PDE4B: variants seen among roughly 807,000 people sequenced by gnomAD.
PDE4B encodes 3',5'-cyclic-AMP phosphodiesterase 4B.
Under a neutral mutation model 82.2 loss-of-function variants are expected in PDE4B, and 20 were observed. The observed-to-expected ratio is 0.24, with a 90% CI of 0.17 to 0.35. PDE4B has a LOEUF of 0.35. Among genes scored for constraint, PDE4B ranks in the 10% least tolerant of loss-of-function variants. PDE4B has a pLI of 1.00. For missense variants in PDE4B, 655 were observed against 907.2 expected, an observed-to-expected ratio of 0.72 and a Z score of 3.57; for synonymous variants, 320 against 318.9, an observed-to-expected ratio of 1.00 and a Z score of -0.04.
chr1:66,200,666 A>T (rs1311492053), intron 3 of PDE4B, among the ~76,000 whole-genome samples: 3 of 152,094 alleles, frequency 2.0e-5, no homozygotes, highest in Admixed American at 6.5e-5. Flanking sequence ...TTGGTGTATA[A>T]GAATGCTTGT....
At chr1:66,147,710 A>G (rs2101177511) in intron 3 of PDE4B, among the ~76,000 whole-genome samples, 1 of 152,306 alleles carries the variant, frequency 6.6e-6, no homozygotes, top group South Asian at 2.1e-4. Flanking sequence ...GGCGTTTCTT[A>G]GCCACTTTAT....
chr1:65,868,905 C>G (rs1166772419), intron 1 of PDE4B, among the ~76,000 whole-genome samples: 1 of 152,160 alleles, frequency 6.6e-6, no homozygotes, highest in Non-Finnish European at 1.5e-5. Context: ...GGAACAGTTT[C>G]ATCCTGAAAC....
chr1:66,365,846 A>C, intron 13 of PDE4B, 80 bp downstream of exon 13: 1 of 751,484 alleles, frequency 1.3e-6, no homozygotes. Flanking sequence ...TGTTTTCATT[A>C]TGGATAATCA....
intron 1 of PDE4B, among the ~76,000 whole-genome samples, chr1:65,877,815 A>G (rs1482681824): frequency 6.6e-6 from 1 of 152,044 alleles, no homozygotes; most frequent in Admixed American, 6.6e-5. Flanking sequence ...CATTCAGGAC[A>G]TAGGCAAGGG....
At chr1:66,347,521 G>T (rs569398386) in intron 8 of PDE4B, among the ~76,000 whole-genome samples, 5 of 152,268 alleles carry the variant, frequency 3.3e-5, no homozygotes, top group African/African-American at 9.6e-5. Context: ...GGAAGGAAAG[G>T]ATAGATCTAT....
intron 1 of PDE4B, among the ~76,000 whole-genome samples, chr1:65,804,385 C>G (rs10789202): frequency 0.07 from 10,665 of 152,104 alleles, 886 homozygotes; most frequent in African/African-American, 0.19. Context: ...AAGGAGAGCA[C>G]GTCATACTTT....
chr1:65,965,739 C>T (rs1171433030), intron 3 of PDE4B, among the ~76,000 whole-genome samples: 1 of 152,040 alleles, frequency 6.6e-6, no homozygotes, highest in Non-Finnish European at 1.5e-5. Context: ...TGGCACTCAA[C>T]AAAAACATGC....
chr1:66,003,279 G>C (rs747183623), intron 3 of PDE4B, among the ~76,000 whole-genome samples: 11 of 151,742 alleles, frequency 7.2e-5, no homozygotes, highest in Non-Finnish European at 1.2e-4. Context: ...ATTATCAGAA[G>C]ACCCAGTGTG....
intron 5 of PDE4B, 22 bp from the exon 6 acceptor site, chr1:66,257,771 G>C: frequency 1.2e-6 from 2 of 1,611,162 alleles, no homozygotes; most frequent in Non-Finnish European, 1.7e-6. Flanking sequence ...GTCCTTAACC[G>C]TTTAAAACAT....
intron 3 of PDE4B, among the ~76,000 whole-genome samples, chr1:66,059,434 T>C (rs191663673): frequency 6.6e-6 from 1 of 152,316 alleles, no homozygotes; most frequent in African/African-American, 2.4e-5. Context: ...TGTATTAGTC[T>C]GCTTTCATGC....
chr1:66,123,059 T>C (rs569497726), intron 3 of PDE4B, among the ~76,000 whole-genome samples: 2 of 152,266 alleles, frequency 1.3e-5, no homozygotes, highest in South Asian at 2.1e-4. Context: ...TTCTCTTTTC[T>C]TTTTCCTTTA....
At chr1:65,864,559 T>G (rs577745213) in intron 1 of PDE4B, among the ~76,000 whole-genome samples, 49 of 152,264 alleles carry the variant, frequency 3.2e-4, no homozygotes, top group South Asian at 6.2e-4. Flanking sequence ...GGGTCCTTTA[T>G]GTTGATGTTG....
chr1:65,826,375 C>A (rs549280156), intron 1 of PDE4B, among the ~76,000 whole-genome samples: 1 of 152,070 alleles, frequency 6.6e-6, no homozygotes, highest in Non-Finnish European at 1.5e-5. Flanking sequence ...TTTGCTGAGG[C>A]TGAGTGTGGC....
chr1:66,173,387 C>A (rs1401857858), intron 3 of PDE4B, among the ~76,000 whole-genome samples: 1 of 152,142 alleles, frequency 6.6e-6, no homozygotes, highest in African/African-American at 2.4e-5. Context: ...AACCTGGAGT[C>A]AGAAACTGGT....
intron 3 of PDE4B, among the ~76,000 whole-genome samples, chr1:66,036,896 G>T (rs929928808): frequency 8.6e-5 from 13 of 151,898 alleles, no homozygotes; most frequent in African/African-American, 3.1e-4. Flanking sequence ...ACACTTTGGG[G>T]GGCCAACACA....
At chr1:66,275,769 C>T (rs752092290) in intron 7 of PDE4B, among the ~76,000 whole-genome samples, 63 of 152,282 alleles carry the variant, frequency 4.1e-4, no homozygotes, top group Admixed American at 9.2e-4. Flanking sequence ...AACAGCCTTT[C>T]ACCCAAGAGG....
At chr1:66,252,894 G>A (rs911246926) in intron 4 of PDE4B, among the ~76,000 whole-genome samples, 1 of 152,170 alleles carries the variant, frequency 6.6e-6, no homozygotes, top group African/African-American at 2.4e-5. Flanking sequence ...AGCTAAGATT[G>A]TGCCACTGCA....
chr1:66,092,400 G>T (rs1421637912), intron 3 of PDE4B, among the ~76,000 whole-genome samples: 3 of 151,886 alleles, frequency 2.0e-5, no homozygotes, highest in Non-Finnish European at 4.4e-5. Context: ...TATCCGTGAG[G>T]ACTTACCATA....
chr1:66,361,048 A>G (rs1662720626), intron 9 of PDE4B, among the ~76,000 whole-genome samples: 1 of 152,314 alleles, frequency 6.6e-6, no homozygotes, highest in East Asian at 1.9e-4. Flanking sequence ...TTGTTTGAGG[A>G]TTATGAACCA....
Sources: gnomAD v4.1 joint callset for allele counts (sites outside exome capture counted in the v4.1 genomes callset) on GRCh38, gnomAD v4.1.1 for gene constraint, MANE v1.5 for transcripts, NCBI Gene and HGNC (gene_info 2026-07-23, HGNC 2026-07-21) for gene names.